SLC4A10: variants seen among roughly 807,000 people sequenced by gnomAD.
SLC4A10 encodes the protein solute carrier family 4 member 10.
Under a neutral mutation model 137.7 loss-of-function variants are expected in SLC4A10, and 42 were observed. The observed-to-expected ratio is 0.30, with a 90% confidence interval of 0.24 to 0.39. The LOEUF is 0.39. SLC4A10 is among the 10% of genes least tolerant of loss of function. The pLI is 1.00. For missense variants in SLC4A10, 925 were observed against 1,355.0 expected, an observed-to-expected ratio of 0.68 and a Z score of 4.98; for synonymous variants, 474 against 464.1, an observed-to-expected ratio of 1.02 and a Z score of -0.27.
At chr2:161,800,766 C>T (rs1242315824) in intron 2 of SLC4A10, among the ~76,000 whole-genome samples, 1 of 151,884 alleles carries the variant, frequency 6.6e-6, no homozygotes, top group Admixed American at 6.6e-5. Flanking sequence ...TGAGTAATGT[C>T]GACCATGAGA....
chr2:161,983,087 TG>T, intron 26 of SLC4A10, 91 bp from the exon 27 acceptor site: 1 of 1,141,042 alleles, frequency 8.8e-7, no homozygotes, highest in Non-Finnish European at 1.3e-6. Context: ...TGTGGTGCTT[TG>T]GGGTTGACGG....
At chr2:161,629,525 A>G (rs897384389) in intron 1 of SLC4A10, among the ~76,000 whole-genome samples, 1 of 151,922 alleles carries the variant, frequency 6.6e-6, no homozygotes, top group Non-Finnish European at 1.5e-5. Context: ...ATCTCTCACC[A>G]GAGTGGTACA....
intron 1 of SLC4A10, among the ~76,000 whole-genome samples, chr2:161,638,780 T>A (rs945455053): frequency 6.6e-6 from 1 of 152,012 alleles, no homozygotes; most frequent in Non-Finnish European, 1.5e-5. Flanking sequence ...ATTTGTGTCT[T>A]CTTCAATTTC....
intron 1 of SLC4A10, among the ~76,000 whole-genome samples, chr2:161,657,454 G>T (rs1380566773): frequency 6.6e-6 from 1 of 151,886 alleles, no homozygotes; most frequent in Non-Finnish European, 1.5e-5. Context: ...TATTAGTTGA[G>T]TAAAGTTATT....
Position 161,905,111 on chromosome 2 carries a change from A to T in SLC4A10, c.1751+202A>T, listed in dbSNP as rs1452587115. On this transcript the variant is annotated intron_variant, in intron 14 of 26. Coordinates refer to ENST00000446997, the MANE Select transcript of SLC4A10 (RefSeq NM_001178015.2). ...TTTTTATGTAATATTTTTAAAAAGTAAGACTCAGTTATAAGCATCGATAAA... is the reference window on the plus strand; with the variant it reads ...TTTTTATGTAATATTTTTAAAAAGTTAGACTCAGTTATAAGCATCGATAAA... Among the ~76,000 whole-genome samples the T allele has an allele frequency of 2.6e-5, 4 of 152,226 alleles. No homozygotes were observed. In the East Asian group the frequency reaches 7.7e-4, roughly 29 times the overall value.
chr2:161,633,864 A>G (rs1189507929), intron 1 of SLC4A10, among the ~76,000 whole-genome samples: 1 of 151,792 alleles, frequency 6.6e-6, no homozygotes, highest in Non-Finnish European at 1.5e-5. Context: ...GAAGGCATCA[A>G]AAGTAAATAT....
intron 1 of SLC4A10, among the ~76,000 whole-genome samples, chr2:161,673,142 A>G (rs2039917861): frequency 1.3e-5 from 2 of 152,224 alleles, no homozygotes; most frequent in Non-Finnish European, 2.9e-5. Context: ...TAGTGGAATA[A>G]TTAACAACAG....
intron 16 of SLC4A10, among the ~76,000 whole-genome samples, chr2:161,944,648 CA>C (rs1235418597): frequency 6.6e-6 from 1 of 151,222 alleles, no homozygotes; most frequent in Non-Finnish European, 1.5e-5. Flanking sequence ...AACATTTGAG[CA>C]GAAAGTTTCA....
chr2:161,724,035 TC>T (rs1285894803), intron 1 of SLC4A10, among the ~76,000 whole-genome samples: 17 of 152,216 alleles, frequency 1.1e-4, no homozygotes, highest in African/African-American at 3.9e-4. Flanking sequence ...CTGACAATCA[TC>T]CTCAACTTCC....
chr2:161,697,385 C>T (rs931913934), intron 1 of SLC4A10, among the ~76,000 whole-genome samples: 2 of 152,056 alleles, frequency 1.3e-5, no homozygotes, highest in Non-Finnish European at 2.9e-5. Context: ...TTGCCCATGC[C>T]TATGTCCTGA....
intron 1 of SLC4A10, among the ~76,000 whole-genome samples, chr2:161,647,141 G>T (rs1046420449): frequency 1.3e-5 from 2 of 151,908 alleles, no homozygotes; most frequent in Non-Finnish European, 2.9e-5. Context: ...TCTTTCATTT[G>T]GAGAAATCAC....
rs1453942853 is a variant in SLC4A10, at chr2:161,804,663, TAGG to T, written c.277+71_277+73del. 3 of 1,434,862 alleles carry T rather than the reference TAGG, an allele frequency of 2.1e-6. No individual in the cohort carries two copies. In the African/African-American group the frequency reaches 4.3e-5, roughly 21 times the overall value. 88.9% of individuals were successfully genotyped at this position (1,434,862 alleles called of 1,614,324 possible). ...ATATACTTGCTTATACAATTATGAT[TAGG>T]AGTAATACCTTATACTCATAAAATT... On this transcript the variant is annotated intron_variant, in intron 3 of 26. Coordinates refer to ENST00000446997, the MANE Select transcript of SLC4A10 (RefSeq NM_001178015.2).
chr2:161,828,682 C>G (rs932993059), intron 3 of SLC4A10, among the ~76,000 whole-genome samples: 7 of 141,398 alleles, frequency 5.0e-5, no homozygotes, highest in Non-Finnish European at 7.6e-5. Flanking sequence ...TTCAGACAAC[C>G]TGGCTATTGT....
At chr2:161,952,060 C>T (rs921490887) in intron 19 of SLC4A10, among the ~76,000 whole-genome samples, 8 of 151,986 alleles carry the variant, frequency 5.3e-5, no homozygotes, top group Non-Finnish European at 1.0e-4. Flanking sequence ...TATTATTTAC[C>T]TTTCAAAAAG....
At chr2:161,806,144 TC>T (rs1279861677) in intron 3 of SLC4A10, among the ~76,000 whole-genome samples, 4 of 152,126 alleles carry the variant, frequency 2.6e-5, no homozygotes, top group Middle Eastern at 3.2e-3. Context: ...TCTACATTTG[TC>T]CCTTTCAGCT....
intron 2 of SLC4A10, among the ~76,000 whole-genome samples, chr2:161,777,047 T>A (rs2052433019): frequency 6.6e-6 from 1 of 151,804 alleles, no homozygotes; most frequent in South Asian, 2.1e-4. Flanking sequence ...TCTATTTTTT[T>A]AATAGGCAAG....
At chr2:161,761,958 AT>A (rs2050295969) in intron 1 of SLC4A10, among the ~76,000 whole-genome samples, 1 of 152,052 alleles carries the variant, frequency 6.6e-6, no homozygotes, top group South Asian at 2.1e-4. Flanking sequence ...ACATTAGAGG[AT>A]TTTACCCTCC....
chr2:161,817,259 T>C (rs941845159), intron 3 of SLC4A10, among the ~76,000 whole-genome samples: 1 of 152,264 alleles, frequency 6.6e-6, no homozygotes, highest in Non-Finnish European at 1.5e-5. Context: ...CATGTGCCTG[T>C]TGGCTGCATA....
chr2:161,903,836 G>A (rs898041118), intron 12 of SLC4A10, among the ~76,000 whole-genome samples, 168 bp from the exon 13 acceptor site: 1 of 152,184 alleles, frequency 6.6e-6, no homozygotes, highest in African/African-American at 2.4e-5. Flanking sequence ...ACGTAGTTGT[G>A]CAGTGCCTCC....
Sources: allele counts gnomAD v4.1 joint callset (sites outside exome capture counted in the v4.1 genomes callset), GRCh38; gene constraint gnomAD v4.1.1; transcripts MANE v1.5; gene names NCBI Gene and HGNC (gene_info 2026-07-23, HGNC 2026-07-21).